PRRC2B: variants seen among roughly 807,000 people sequenced by gnomAD.
PRRC2B encodes proline rich coiled-coil 2B, also known as protein PRRC2B.
A neutral mutation model predicts 242.3 loss-of-function variants in PRRC2B; 68 were observed. That is an observed-to-expected ratio of 0.28 (90% CI 0.23 to 0.34). The LOEUF (loss-of-function observed/expected upper bound fraction) is 0.34, where lower values mean the gene tolerates loss of function less well. Among genes scored for constraint, PRRC2B ranks in the 10% least tolerant of loss-of-function variants. PRRC2B has a pLI of 1.00. For missense variants in PRRC2B, 2,835 were observed against 2,954.8 expected (o/e 0.96, Z 0.94); for synonymous variants, 1,228 against 1,173.6 (o/e 1.05, Z -0.95).
Position 131,422,519 on chromosome 9 carries a change from A to T in PRRC2B, c.-51-7575A>T, listed in dbSNP as rs551791626. 1.0e-3 allele frequency among the ~76,000 whole-genome samples: 158 copies of T among 152,322 alleles called. 1 individual carries two copies. The highest frequency in any genetic ancestry group is 3.6e-3 in the African/African-American group (150 of 41,578). On this transcript the variant is annotated intron_variant, in intron 1 of 31. Coordinates refer to ENST00000683519, the MANE Select transcript of PRRC2B (RefSeq NM_013318.4). ...GCTGGTGGCCACTGATCTCCCCTGA[A>T]TGCGGAGCCGTAGTGGTTCCTGGTG... is the stretch of plus-strand genomic sequence containing the variant.
chr9:131,465,829 A>G (rs764028322), intron 12 of PRRC2B, among the ~76,000 whole-genome samples: 2 of 151,894 alleles, frequency 1.3e-5, no homozygotes, highest in Non-Finnish European at 2.9e-5. Flanking sequence ...GGTTCAAGCG[A>G]TTTTCCCAGC....
rs1588243818 is a variant in PRRC2B, at chr9:131,426,044, A to C, written c.-51-4050A>C. Among the ~76,000 whole-genome samples the C allele has an allele frequency of 2.0e-5, 3 of 151,846 alleles. No homozygotes were observed. The South Asian group carries it at 6.2e-4, about 32-fold the overall frequency. On this transcript the variant is annotated intron_variant, in intron 1 of 31. Coordinates refer to ENST00000683519, the MANE Select transcript of PRRC2B (RefSeq NM_013318.4). ...AAAAAAATCACATTTGATTTAAGAA[A>C]TCATTCGATGTTGCCAGGCACGGTG...
chr9:131,494,778 G>A lies in PRRC2B; in HGVS notation c.6555+292G>A, dbSNP rs541778840. On this transcript the variant is annotated intron_variant, in intron 31 of 31. Transcript: ENST00000683519. This position sits in a 1 kb window ranked among gnomAD's most constrained non-coding sequence, Gnocchi z 4.3. ...ACCAGCCCTGGCAGGTCGGGGCTGA[G>A]GCGCCCTGGGAGACTCGGTTAGGTT... Among the ~76,000 whole-genome samples the A allele has an allele frequency of 4.8e-4, 73 of 152,320 alleles. No individual in the cohort carries two copies. The highest frequency in any genetic ancestry group is 1.8e-3 in the African/African-American group (73 of 41,558).
At chr9:131,409,632 G>T (rs570893872) in intron 1 of PRRC2B, among the ~76,000 whole-genome samples, 2 of 152,358 alleles carry the variant, frequency 1.3e-5, no homozygotes, top group Non-Finnish European at 2.9e-5. Flanking sequence ...CTGTGTTGGT[G>T]GCTCTTTTCC....
At chr9:131,379,712 G>A (rs948346716) in intron 1 of PRRC2B, among the ~76,000 whole-genome samples, 31 of 143,524 alleles carry the variant, frequency 2.2e-4, no homozygotes, top group Admixed American at 2.0e-3. Context: ...TACAACCTCC[G>A]CCTCCTGGGT....
At chr9:131,435,650 C>T (rs1222392744) in intron 3 of PRRC2B, among the ~76,000 whole-genome samples, 5 of 149,918 alleles carry the variant, frequency 3.3e-5, no homozygotes, top group Non-Finnish European at 7.4e-5. Flanking sequence ...CCAAAAAATT[C>T]TTATTGCAGT....
chr9:131,474,412 A>G, intron 15 of PRRC2B, 42 bp from the exon 16 acceptor site: 1 of 1,525,994 alleles, frequency 6.6e-7, no homozygotes, highest in Non-Finnish European at 8.9e-7. Context: ...ACCAGGAACC[A>G]GGCTCCAATC....
chr9:131,443,832 C>G (rs1023581542), intron 5 of PRRC2B, among the ~76,000 whole-genome samples: 1 of 152,188 alleles, frequency 6.6e-6, no homozygotes, highest in Non-Finnish European at 1.5e-5. Context: ...TTGGCCTCCC[C>G]TGGGCTGATT....
Position 131,476,351 on chromosome 9 carries a change from G to A in PRRC2B, c.4222G>A (p.Ala1408Thr), listed in dbSNP as rs1418733848. The A allele has an allele frequency of 3.8e-6, 6 of 1,591,526 alleles. No individual in the cohort carries two copies. Among genetic ancestry groups the A allele is most frequent in the Non-Finnish European group, 5.1e-6 (6 of 1,169,106 alleles). Residue 1408 changes from alanine to threonine, a missense_variant, in exon 16 of 32, where the codon GCT (alanine) becomes ACT (threonine). This residue lies in a region of PRRC2B where 1,536 missense variants were observed against 1,483.1 expected (regional missense o/e 1.04). Coordinates refer to ENST00000683519, the MANE Select transcript of PRRC2B (RefSeq NM_013318.4). ...DSQVDGGLSG[A>T]SLGEKKELAK... ...CCAGGTGGATGGTGGCCTGTCGGGGGCTAGTTTGGGTGAGAAGAAGGAGCT... is the reference window on the plus strand; with the variant it reads ...CCAGGTGGATGGTGGCCTGTCGGGGACTAGTTTGGGTGAGAAGAAGGAGCT...
intron 1 of PRRC2B, among the ~76,000 whole-genome samples, chr9:131,427,423 C>T (rs141541722): frequency 0.017 from 2,529 of 151,972 alleles, 78 homozygotes; most frequent in African/African-American, 0.058. Flanking sequence ...CTCTGCTTCC[C>T]GGGTTCACGC....
intron 11 of PRRC2B, among the ~76,000 whole-genome samples, chr9:131,460,505 C>T (rs1009305600): frequency 6.6e-6 from 1 of 152,182 alleles, no homozygotes; most frequent in Non-Finnish European, 1.5e-5. Flanking sequence ...ATCCTGTCCC[C>T]CTCTGGCTAC....
In PRRC2B at chr9:131,496,196, C is replaced by A; in HGVS notation, c.*322C>A. 4.1e-6 allele frequency: 1 copy of A among 246,504 alleles called. No homozygotes were observed. Among genetic ancestry groups the A allele is most frequent in the Non-Finnish European group, 7.8e-6 (1 of 128,386 alleles). 15.3% of individuals were successfully genotyped at this position (246,504 alleles called of 1,614,324 possible). A position where few individuals can be genotyped will look rare whatever the true frequency, so the allele number is the denominator to read the frequency against. On this transcript the variant is annotated 3_prime_UTR_variant, in exon 32 of 32. Coordinates refer to ENST00000683519, the MANE Select transcript of PRRC2B (RefSeq NM_013318.4). ...CCTGCCTCCTCCCTGTCCTGCCGCG[C>A]AGCCAGGGCGCCTTCTCAGCAGTGC...
chr9:131,478,005 C>T (rs1943753234), intron 17 of PRRC2B, 56 bp downstream of exon 17: 4 of 1,514,120 alleles, frequency 2.6e-6, no homozygotes, highest in Non-Finnish European at 3.7e-6. Flanking sequence ...AGGGGCCATG[C>T]AGTCCTCGGG....
chr9:131,491,683 G>A (rs192531024), intron 29 of PRRC2B, 103 bp downstream of exon 29: 114 of 1,136,870 alleles, frequency 1.0e-4, no homozygotes, highest in Non-Finnish European at 1.2e-4. Context: ...AGCCAGTGGC[G>A]TGGGACTGCC....
chr9:131,418,907 G>A (rs1004770012), intron 1 of PRRC2B, among the ~76,000 whole-genome samples: 1 of 152,230 alleles, frequency 6.6e-6, no homozygotes, highest in Non-Finnish European at 1.5e-5. Flanking sequence ...TAGTATTGCA[G>A]CGTGACAGCA....
At chr9:131,400,122 C>T (rs1019409370) in intron 1 of PRRC2B, among the ~76,000 whole-genome samples, 16 of 151,976 alleles carry the variant, frequency 1.1e-4, no homozygotes, top group African/African-American at 3.4e-4. Flanking sequence ...CTCACTTTGT[C>T]GCCCAGTCTG....
chr9:131,379,996 A>T (rs576236286), intron 1 of PRRC2B, among the ~76,000 whole-genome samples: 37 of 124,800 alleles, frequency 3.0e-4, no homozygotes, highest in African/African-American at 1.1e-3. Context: ...ATATATAATA[A>T]TTTTTTTTTT....
intron 1 of PRRC2B, among the ~76,000 whole-genome samples, chr9:131,425,352 G>C (rs1837949887): frequency 6.6e-6 from 1 of 152,130 alleles, no homozygotes; most frequent in Non-Finnish European, 1.5e-5. Flanking sequence ...CCTTCTCAGA[G>C]AAGTGTGGTG....
intron 1 of PRRC2B, among the ~76,000 whole-genome samples, chr9:131,402,948 C>T (rs997293461): frequency 3.3e-5 from 5 of 152,310 alleles, no homozygotes; most frequent in Middle Eastern, 3.4e-3. Flanking sequence ...GGGAAGCCGG[C>T]GTCAACTTCC....
Sources: allele counts gnomAD v4.1 joint callset (sites outside exome capture counted in the v4.1 genomes callset), GRCh38; gene constraint gnomAD v4.1.1; regional missense constraint gnomAD v4.1.1; non-coding constraint Gnocchi (gnomAD v3.1); transcripts MANE v1.5; gene names NCBI Gene and HGNC (gene_info 2026-07-23, HGNC 2026-07-21).